Variants in HSD17B12 observed in about 807,000 individuals in gnomAD.
HSD17B12 encodes the protein very-long-chain 3-oxoacyl-CoA reductase.
Under a neutral mutation model 39.3 loss-of-function variants are expected in HSD17B12, and 32 were observed. The observed-to-expected ratio is 0.81, with a 90% CI of 0.61 to 1.09. The LOEUF (loss-of-function observed/expected upper bound fraction) is 1.09. Ranked by LOEUF, HSD17B12 falls within the 50% of genes least tolerant of loss-of-function variation. HSD17B12 has a pLI of 0.00. For missense variants in HSD17B12, 342 were observed against 382.9 expected, an observed-to-expected ratio of 0.89 and a Z score of 0.89; for synonymous variants, 150 against 146.7, an observed-to-expected ratio of 1.02 and a Z score of -0.16.
chr11:43,641,063 A>G, the HSD17B12 span: 3 of 151,922 alleles, frequency 2.0e-5, no homozygotes, highest in Non-Finnish European at 4.4e-5. Context: ...TTGTTTATCC[A>G]TGGGTTGAAA....
the HSD17B12 span, among the ~76,000 whole-genome samples, chr11:43,659,349 G>A: frequency 6.6e-6 from 1 of 152,186 alleles, no homozygotes; most frequent in African/African-American, 2.4e-5. Context: ...CCCAGGTGAG[G>A]CGATGCCTTG....
At chr11:43,664,319 G>T in the HSD17B12 span, among the ~76,000 whole-genome samples, 1 of 152,178 alleles carries the variant, frequency 6.6e-6, no homozygotes, top group Non-Finnish European at 1.5e-5. Flanking sequence ...GTAAGGGAGA[G>T]AAGCTCTGTT....
chr11:43,615,076 G>A, the HSD17B12 span, among the ~76,000 whole-genome samples: 1 of 151,936 alleles, frequency 6.6e-6, no homozygotes, highest in Admixed American at 6.6e-5. Context: ...GGATTTATTT[G>A]TCTTCCTTTG....
At chr11:43,568,270 T>C in the HSD17B12 span, among the ~76,000 whole-genome samples, 1 of 152,100 alleles carries the variant, frequency 6.6e-6, no homozygotes, top group African/African-American at 2.4e-5. Context: ...TCGTTAATTT[T>C]TTCTGTATTT....
intron 3 of HSD17B12, among the ~76,000 whole-genome samples, chr11:43,781,507 A>C (rs766344780): frequency 5.3e-5 from 8 of 152,196 alleles, no homozygotes; most frequent in Non-Finnish European, 1.0e-4. Context: ...TACACATCAA[A>C]AAAGATCTGC....
intron 4 of HSD17B12, among the ~76,000 whole-genome samples, chr11:43,801,628 A>ATG (rs1554969005): frequency 7.1e-3 from 149 of 20,926 alleles, no homozygotes; most frequent in Middle Eastern, 0.05. Flanking sequence ...ATATATATAT[A>ATG]TATGTATATG....
chr11:43,683,094 G>GT (rs1554959067), intron 1 of HSD17B12, among the ~76,000 whole-genome samples: 163 of 80,986 alleles, frequency 2.0e-3, no homozygotes, highest in African/African-American at 2.6e-3. Context: ...GCCTGGATGT[G>GT]TTTTTTTTTG....
chr11:43,660,896 A>G, the HSD17B12 span, among the ~76,000 whole-genome samples: 1 of 152,154 alleles, frequency 6.6e-6, no homozygotes, highest in Admixed American at 6.5e-5. Flanking sequence ...AGGCTGAGGC[A>G]GGTGGATTAC....
At chr11:43,582,380 C>A in the HSD17B12 span, among the ~76,000 whole-genome samples, 7 of 152,316 alleles carry the variant, frequency 4.6e-5, no homozygotes, top group Admixed American at 1.3e-4. Flanking sequence ...CCCTCCTCCC[C>A]CTCCACTCAT....
chr11:43,817,325 C>T (rs560467974), intron 6 of HSD17B12, among the ~76,000 whole-genome samples: 6 of 152,136 alleles, frequency 3.9e-5, no homozygotes, highest in Admixed American at 6.5e-5. Context: ...TTCCTTTAGC[C>T]GTGCAGAAGT....
intron 1 of HSD17B12, among the ~76,000 whole-genome samples, chr11:43,745,770 G>A (rs1210536200): frequency 6.6e-6 from 1 of 152,140 alleles, no homozygotes; most frequent in African/African-American, 2.4e-5. Context: ...GGTGTCTTAT[G>A]CCTGTAATCC....
chr11:43,632,913 A>G, the HSD17B12 span, among the ~76,000 whole-genome samples: 3 of 152,164 alleles, frequency 2.0e-5, no homozygotes. Flanking sequence ...TCTACTTCAT[A>G]CTTTTTTATT....
chr11:43,591,886 A>T, the HSD17B12 span, among the ~76,000 whole-genome samples: 264 of 152,160 alleles, frequency 1.7e-3, 2 homozygotes, highest in African/African-American at 6.0e-3. Flanking sequence ...GTAACTTTCC[A>T]TAGGGAGTTT....
At chr11:43,563,258 A>G in the HSD17B12 span, among the ~76,000 whole-genome samples, 466 of 152,294 alleles carry the variant, frequency 3.1e-3, 1 homozygote, top group Non-Finnish European at 5.3e-3. Flanking sequence ...GCTGCTTGCC[A>G]TTGTAGCACT....
At chr11:43,600,185 T>C in the HSD17B12 span, among the ~76,000 whole-genome samples, 1 of 152,186 alleles carries the variant, frequency 6.6e-6, no homozygotes, top group South Asian at 2.1e-4. Flanking sequence ...TTATTTCTAT[T>C]TTTATATGGC....
chr11:43,629,135 A>T, the HSD17B12 span, among the ~76,000 whole-genome samples: 5 of 152,160 alleles, frequency 3.3e-5, no homozygotes. Context: ...AAACAGGGTG[A>T]TTATATCTGA....
At chr11:43,656,119 C>T in the HSD17B12 span, among the ~76,000 whole-genome samples, 4 of 152,142 alleles carry the variant, frequency 2.6e-5, no homozygotes, top group Non-Finnish European at 5.9e-5. Context: ...CAACTTCTTC[C>T]TGGTTTAGTC....
the HSD17B12 span, among the ~76,000 whole-genome samples, chr11:43,559,235 G>T: frequency 4.7e-4 from 71 of 152,252 alleles, no homozygotes; most frequent in African/African-American, 1.7e-3. Context: ...TGCTGTGGGG[G>T]AAGTGGTTAC....
chr11:43,773,452 C>A (rs746153804), intron 3 of HSD17B12, among the ~76,000 whole-genome samples: 42 of 152,200 alleles, frequency 2.8e-4, no homozygotes, highest in Non-Finnish European at 3.5e-4. Flanking sequence ...GTTGCCCAGG[C>A]TGCTCTCAAA....
Sources: allele counts gnomAD v4.1 joint callset (sites outside exome capture counted in the v4.1 genomes callset), GRCh38; gene constraint gnomAD v4.1.1; transcripts MANE v1.5; gene names NCBI Gene and HGNC (gene_info 2026-07-23, HGNC 2026-07-21).